EZR: variants seen among roughly 807,000 people sequenced by gnomAD.
EZR encodes cytovillin 2.
EZR carries 40 observed loss-of-function variants against 74.8 expected under a neutral mutation model. That is an observed-to-expected ratio of 0.53 (90% CI 0.42 to 0.70). EZR has a LOEUF of 0.70. EZR is among the 30% of genes least tolerant of loss of function. The pLI is 0.00. For missense variants in EZR, 678 were observed against 755.8 expected (o/e 0.90, Z 1.21); for synonymous variants, 341 against 283.3 (o/e 1.20, Z -2.05).
intron 2 of EZR, among the ~76,000 whole-genome samples, chr6:158,795,403 C>T (rs754108547): frequency 6.7e-6 from 1 of 149,632 alleles, no homozygotes; most frequent in African/African-American, 2.5e-5. Context: ...AAGAACCCAT[C>T]TCTAACTTTT....
intron 2 of EZR, among the ~76,000 whole-genome samples, chr6:158,793,222 G>GA (rs906140069): frequency 1.3e-4 from 20 of 151,636 alleles, no homozygotes; most frequent in African/African-American, 4.6e-4. Context: ...CAGCCTGAAT[G>GA]AAAGAGTGAG....
chr6:158,804,634 G>A lies in EZR; in HGVS notation c.12+13448C>T, dbSNP rs145260979. ...AGATGGCTTATTATATGCTAGAGTC[G>A]GTTTTAATTGTAGGCTCAGAAAAGA... On this transcript the variant is annotated intron_variant, in intron 2 of 13. Coordinates refer to ENST00000367075, the MANE Select transcript of EZR (RefSeq NM_001111077.2). Among the ~76,000 whole-genome samples the A allele has an allele frequency of 5.3e-5, 8 of 152,166 alleles. No individual in the cohort carries two copies. In the East Asian group the frequency reaches 1.2e-3, roughly 22 times the overall value.
At chr6:158,773,702 C>A (rs1791186770) in intron 8 of EZR, among the ~76,000 whole-genome samples, 1 of 152,226 alleles carries the variant, frequency 6.6e-6, no homozygotes, top group Admixed American at 6.5e-5. Context: ...CAGGAGGCAG[C>A]CGCGGGAGGC....
Position 158,770,844 on chromosome 6 carries a change from TTCTC to T in EZR, c.1006_1009del (p.Glu336LysfsTer4), listed in dbSNP as rs762239919. 5 of 1,614,094 alleles carry T rather than the reference TTCTC, an allele frequency of 3.1e-6. No homozygotes were observed. The highest frequency in any genetic ancestry group is 4.2e-6 in the Non-Finnish European group (5 of 1,180,030). ...CTCCTTCTCGCGCATCATCTGCTCT[TTCTC>T]TCTCTCCACGGTTTCTCTCCTTTTC... On this transcript the variant is annotated frameshift_variant, in exon 10 of 14. Transcript: ENST00000367075. LOFTEE classifies it high-confidence loss of function.
chr6:158,786,202 T>C (rs1319715048), intron 4 of EZR, among the ~76,000 whole-genome samples: 1 of 152,080 alleles, frequency 6.6e-6, no homozygotes, highest in Non-Finnish European at 1.5e-5. Flanking sequence ...TGAAACCCCA[T>C]CTCTACTAAA....
chr6:158,799,977 TA>T (rs780869884), intron 2 of EZR, among the ~76,000 whole-genome samples: 1 of 152,206 alleles, frequency 6.6e-6, no homozygotes, highest in Non-Finnish European at 1.5e-5. Flanking sequence ...TATATCAATG[TA>T]ATTGCAATTG....
At chr6:158,805,207 C>T (rs1338048256) in intron 2 of EZR, among the ~76,000 whole-genome samples, 3 of 151,702 alleles carry the variant, frequency 2.0e-5, no homozygotes, top group African/African-American at 4.8e-5. Flanking sequence ...GGCATGGTGG[C>T]GTGTGCCTGC....
At chr6:158,779,768 T>C (rs982357023) in intron 7 of EZR, among the ~76,000 whole-genome samples, 1 of 152,094 alleles carries the variant, frequency 6.6e-6, no homozygotes, top group African/African-American at 2.4e-5. Flanking sequence ...TTTTGCCATG[T>C]TGGCAAAGAC....
chr6:158,776,307 G>T, intron 8 of EZR, 101 bp downstream of exon 8: 1 of 971,952 alleles, frequency 1.0e-6, no homozygotes, highest in Non-Finnish European at 1.7e-6. Flanking sequence ...TGAGGAGTTT[G>T]GACTATCACT....
chr6:158,767,108 C>T (rs1214155883), intron 13 of EZR, 30 bp from the exon 14 acceptor site: 1 of 1,612,676 alleles, frequency 6.2e-7, no homozygotes, highest in Non-Finnish European at 8.5e-7. Flanking sequence ...TGGTCTAGTC[C>T]CTTCCTCCCC....
rs746492632 is a variant in EZR, at chr6:158,767,486, C to T, written c.1371G>A (p.Val457=). The T allele has an allele frequency of 1.2e-6, 2 of 1,601,738 alleles. No homozygotes were observed. Among genetic ancestry groups the T allele is most frequent in the Admixed American group, 3.4e-5 (2 of 58,572 alleles). The change falls in exon 13 of 14, where the codon GTG becomes GTA. Residue 457 remains valine (V), a synonymous_variant. Transcript: ENST00000367075. The part of the protein sequence containing the change: ...HRAKEAQDDL[V]KTKEELHLVM... ...CCAGGTGCAGCTCCTCCTTGGTCTTCACCAGGTCATCCTGGGCTTCTTTGG... is the reference window on the plus strand; with the variant it reads ...CCAGGTGCAGCTCCTCCTTGGTCTTTACCAGGTCATCCTGGGCTTCTTTGG...
At chr6:158,818,660 G>C (rs1777620691) in intron 1 of EZR, among the ~76,000 whole-genome samples, 1 of 151,670 alleles carries the variant, frequency 6.6e-6, no homozygotes, top group Admixed American at 6.6e-5. Flanking sequence ...AGCGGAGAGA[G>C]GCGGAGAAGA....
chr6:158,778,035 T>C (rs1791329776), intron 7 of EZR, among the ~76,000 whole-genome samples: 1 of 152,236 alleles, frequency 6.6e-6, no homozygotes, highest in Admixed American at 6.5e-5. Flanking sequence ...CACCTTGCCC[T>C]GCTACTGACT....
intron 8 of EZR, among the ~76,000 whole-genome samples, chr6:158,775,697 T>C (rs973885522): frequency 1.3e-5 from 2 of 152,220 alleles, no homozygotes; most frequent in African/African-American, 4.8e-5. Context: ...TCTGATTAGA[T>C]AACAAAATCC....
rs778655464 is a variant in EZR, at chr6:158,783,588, G to GT, written c.629dup (p.Asn210LysfsTer12). The GT allele has an allele frequency of 2.5e-6, 4 of 1,613,592 alleles. No individual in the cohort carries two copies. Among genetic ancestry groups the GT allele is most frequent in the South Asian group, 1.1e-5 (1 of 91,056 alleles). On this transcript the variant is annotated frameshift_variant, in exon 7 of 14. Coordinates refer to ENST00000367075, the MANE Select transcript of EZR (RefSeq NM_001111077.2). LOFTEE classifies it high-confidence loss of function. ...CAAGCCAAAGGTCTGTTCCTTTCTT[G>GT]TTTTTTATCTCGAAATAGTTGATTC... is the stretch of plus-strand genomic sequence containing the variant.
chr6:158,766,910 G>C lies in EZR; in HGVS notation c.*4C>G. The stretch of plus-strand genomic sequence containing the variant: ...CCCCTCTGCCCTTGGTCCTGGCCTG[G>C]CTGTTACAGGGCCTCGAACTCGTCG... On this transcript the variant is annotated 3_prime_UTR_variant, in exon 14 of 14. Transcript: ENST00000367075. The C allele has an allele frequency of 1.2e-6, 2 of 1,613,850 alleles. No homozygotes were observed. The highest frequency in any genetic ancestry group is 1.3e-5 in the African/African-American group (1 of 75,034).
At chr6:158,815,682 G>A (rs995059427) in intron 2 of EZR, among the ~76,000 whole-genome samples, 8 of 152,088 alleles carry the variant, frequency 5.3e-5, no homozygotes, top group Non-Finnish European at 1.2e-4. Flanking sequence ...GGCAAGTCTC[G>A]AACTCCTGGG....
At chr6:158,794,988 C>T (rs1777037752) in intron 2 of EZR, among the ~76,000 whole-genome samples, 3 of 152,196 alleles carry the variant, frequency 2.0e-5, no homozygotes, top group Non-Finnish European at 4.4e-5. Flanking sequence ...CAGTGGCTCA[C>T]ACCTGTAATC....
intron 2 of EZR, among the ~76,000 whole-genome samples, chr6:158,793,403 A>AATAT (rs759378798): frequency 1.3e-5 from 2 of 151,388 alleles, no homozygotes; most frequent in South Asian, 2.1e-4. Context: ...TCACAGTTTT[A>AATAT]ATATATATAT....
Sources: gnomAD v4.1 joint callset for allele counts (sites outside exome capture counted in the v4.1 genomes callset) on GRCh38, gnomAD v4.1.1 for gene constraint, MANE v1.5 for transcripts, NCBI Gene and HGNC (gene_info 2026-07-23, HGNC 2026-07-21) for gene names.